Variants in USP42 observed in about 807,000 individuals in gnomAD.
The protein encoded by USP42 is ubiquitin carboxyl-terminal hydrolase 42.
Under a neutral mutation model 113.0 loss-of-function variants are expected in USP42, and 23 were observed. That is an observed-to-expected ratio of 0.20 (90% CI 0.15 to 0.29). The LOEUF is 0.29. Among genes scored for constraint, USP42 ranks in the 10% least tolerant of loss-of-function variants. The probability of loss-of-function intolerance (pLI) is 1.00; values close to 1 mark genes in which losing one functional copy is unlikely to be tolerated. For missense variants in USP42, 2,174 were observed against 1,779.8 expected (o/e 1.22, Z -3.99); for synonymous variants, 933 against 699.0 (o/e 1.33, Z -5.28).
At chr7:6,090,993 G>A in the USP42 span, among the ~76,000 whole-genome samples, 1 of 150,528 alleles carries the variant, frequency 6.6e-6, no homozygotes, top group Non-Finnish European at 1.5e-5. Context: ...AATCTAATTT[G>A]AAGACATATG....
At chr7:6,135,813 A>ATT (rs1399822845) in intron 3 of USP42, 28 bp from the exon 4 acceptor site, 1 of 1,498,906 alleles carries the variant, frequency 6.7e-7, no homozygotes, top group Non-Finnish European at 9.1e-7. Flanking sequence ...TATTTTGCTA[A>ATT]TTTGGAGGAT....
chr7:6,135,576 G>A (rs1047942443), intron 3 of USP42, among the ~76,000 whole-genome samples: 1 of 149,754 alleles, frequency 6.7e-6, no homozygotes, highest in African/African-American at 2.5e-5. Context: ...GCTTGGACCC[G>A]GGGAGGCCGA....
chr7:6,156,748 C>A lies in USP42; in HGVS notation c.3642-6C>A. 6 of 1,528,090 alleles carry A rather than the reference C, an allele frequency of 3.9e-6. No individual in the cohort carries two copies. The highest frequency in any genetic ancestry group is 4.4e-6 in the Non-Finnish European group (5 of 1,142,328). The allele number at this position is 1,528,090 out of a possible 1,614,324, so 94.7% of individuals were successfully genotyped here. A position where few individuals can be genotyped will look rare whatever the true frequency, so the allele number is the denominator to read the frequency against. ...GGGTTTTGAATTCTGGCTTTTCCTT[C>A]TGCAGGCATCAGCAGGACTCAGACC... On this transcript the variant is annotated splice_region_variant and splice_polypyrimidine_tract_variant and intron_variant, in intron 15 of 17. Coordinates refer to ENST00000306177, the MANE Select transcript of USP42 (RefSeq NM_032172.3).
chr7:6,141,107 A>G, intron 7 of USP42, 123 bp downstream of exon 7: 2 of 476,082 alleles, frequency 4.2e-6, no homozygotes, highest in Non-Finnish European at 7.4e-6. Flanking sequence ...ATATGCTAAG[A>G]TTTCATTTGG....
the USP42 span, among the ~76,000 whole-genome samples, chr7:6,093,569 C>T: frequency 6.6e-6 from 1 of 150,714 alleles, no homozygotes; most frequent in African/African-American, 2.5e-5. Flanking sequence ...AGGCATGTGC[C>T]TCTCTCTTTC....
chr7:6,147,215 T>G (rs1781766250), intron 11 of USP42, among the ~76,000 whole-genome samples: 2 of 152,202 alleles, frequency 1.3e-5, no homozygotes, highest in Non-Finnish European at 2.9e-5. Flanking sequence ...TTCTAACTTT[T>G]TTGGACACTA....
chr7:6,123,117 C>T (rs940179844), intron 3 of USP42, among the ~76,000 whole-genome samples: 6 of 152,194 alleles, frequency 3.9e-5, no homozygotes, highest in African/African-American at 1.2e-4. Context: ...TGAGCCACTG[C>T]ACCTGGCCTG....
intron 7 of USP42, among the ~76,000 whole-genome samples, chr7:6,141,201 C>CTT (rs903124477): frequency 4.0e-4 from 49 of 123,994 alleles, no homozygotes; most frequent in Non-Finnish European, 4.8e-4. Context: ...TTTTTCTTTT[C>CTT]TTTTTTTTTT....
At chr7:6,142,706 A>G (rs1473647209) in intron 7 of USP42, among the ~76,000 whole-genome samples, 2 of 151,842 alleles carry the variant, frequency 1.3e-5, no homozygotes, top group Non-Finnish European at 2.9e-5. Flanking sequence ...GAATATAGTG[A>G]GACCCCTGTC....
intron 11 of USP42, 65 bp from the exon 12 acceptor site, chr7:6,147,674 T>C: frequency 4.0e-6 from 6 of 1,485,554 alleles, no homozygotes; most frequent in Non-Finnish European, 5.4e-6. Flanking sequence ...CTGTTGACTT[T>C]GTAAATGAAT....
At chr7:6,090,706 C>G in the USP42 span, among the ~76,000 whole-genome samples, 1 of 145,792 alleles carries the variant, frequency 6.9e-6, no homozygotes, top group African/African-American at 2.6e-5. Flanking sequence ...CAGAGTGAGA[C>G]TCTGTCTCAA....
chr7:6,127,688 T>C (rs1780613446), intron 3 of USP42, among the ~76,000 whole-genome samples: 1 of 152,228 alleles, frequency 6.6e-6, no homozygotes, highest in Non-Finnish European at 1.5e-5. Flanking sequence ...TAGTAAGTCT[T>C]GTCATCGGTT....
At position 6,154,275 on chromosome 7, in the gene USP42, C is replaced by A. The variant is rs1378867723; in HGVS notation, c.2721C>A (p.Ala907=). 2.5e-6 allele frequency: 4 copies of A among 1,596,596 alleles called. No homozygotes were observed. The highest frequency in any genetic ancestry group is 3.4e-6 in the Non-Finnish European group (4 of 1,172,716). The change falls in exon 15 of 18, where the codon GCC becomes GCA. Residue 907 remains alanine (A), a synonymous_variant. Transcript: ENST00000306177. ...CGCCAGCTCCTGTGCTGGACATGGC[C>A]CCGGCCGGTCACCCGGAAGGGGACG... ...ERPPAPVLDM[A]PAGHPEGDAE...
chr7:6,142,906 G>A (rs1781511132), intron 7 of USP42, 26 bp from the exon 8 acceptor site: 2 of 1,611,508 alleles, frequency 1.2e-6, no homozygotes, highest in Non-Finnish European at 1.7e-6. Flanking sequence ...GCGGTGATGT[G>A]GTGTTTGTGC....
rs193018025 is a variant in USP42 at position 6,109,967 on chromosome 7, C to G, written c.-9-1158C>G. ...TCACCTGCCTCGGCCTCCCAAAATG[C>G]TGGGATTACAGGTGTGCACCACCAT... On this transcript the variant is annotated intron_variant, in intron 1 of 17. Transcript: ENST00000306177. Among the ~76,000 whole-genome samples, 282 of 151,968 alleles carry G rather than the reference C, an allele frequency of 1.9e-3. 1 individual carries two copies. The highest frequency in any genetic ancestry group is 6.1e-3 in the African/African-American group (252 of 41,448).
chr7:6,158,898 C>T lies in USP42; in HGVS notation c.3944-552C>T, dbSNP rs1016339020. Among the ~76,000 whole-genome samples, 2 of 151,844 alleles carry T rather than the reference C, an allele frequency of 1.3e-5. No individual in the cohort carries two copies. Among genetic ancestry groups the T allele is most frequent in the South Asian group, 2.1e-4 (1 of 4,786 alleles). Reference sequence around the variant, plus strand: ...CTGGTCCAGCGGGAGGGAGGTTGAACGTGATCTTGTTTGCCTCGTGTCTCG... The same window carrying T: ...CTGGTCCAGCGGGAGGGAGGTTGAATGTGATCTTGTTTGCCTCGTGTCTCG... On this transcript the variant is annotated intron_variant, in intron 16 of 17. Transcript: ENST00000306177. This position sits in a 1 kb window ranked among gnomAD's most constrained non-coding sequence, Gnocchi z 4.2.
chr7:6,131,367 C>G (rs983484884), intron 3 of USP42, among the ~76,000 whole-genome samples: 1 of 151,876 alleles, frequency 6.6e-6, no homozygotes, highest in Non-Finnish European at 1.5e-5. Context: ...CCCAGCTACT[C>G]GAGAGACGGG....
intron 2 of USP42, 52 bp downstream of exon 2, chr7:6,111,426 T>G: frequency 6.3e-7 from 1 of 1,584,818 alleles, no homozygotes; most frequent in Non-Finnish European, 8.6e-7. Context: ...GTGTAAATGC[T>G]GCTGGGGCTT....
intron 4 of USP42, among the ~76,000 whole-genome samples, chr7:6,137,979 A>T (rs1479641779): frequency 6.6e-6 from 1 of 152,156 alleles, no homozygotes; most frequent in Non-Finnish European, 1.5e-5. Context: ...ACGCCCGACC[A>T]CATATATTTA....
Sources: gnomAD v4.1 joint callset for allele counts (sites outside exome capture counted in the v4.1 genomes callset) on GRCh38, gnomAD v4.1.1 for gene constraint, Gnocchi (gnomAD v3.1) non-coding constraint, MANE v1.5 for transcripts, NCBI Gene and HGNC (gene_info 2026-07-23, HGNC 2026-07-21) for gene names.